The following CLVS1 variants were observed in gnomAD, a reference collection of about 807,000 sequenced individuals.
The protein encoded by CLVS1 is clavesin-1.
CLVS1 carries 10 observed loss-of-function variants against 33.1 expected under a neutral mutation model. The observed-to-expected ratio is 0.30, with a 90% CI of 0.19 to 0.51. The LOEUF (loss-of-function observed/expected upper bound fraction) is 0.51, where lower values mean the gene tolerates loss of function less well. Among genes scored for constraint, CLVS1 ranks in the 20% least tolerant of loss-of-function variants. The probability of loss-of-function intolerance (pLI) is 0.97; values close to 1 mark genes in which losing one functional copy is unlikely to be tolerated. For synonymous variants in CLVS1, 163 were observed against 166.1 expected (o/e 0.98, Z 0.14); for missense variants, 343 against 433.4 (o/e 0.79, Z 1.85).
chr8:61,305,805 G>A (rs1810604098), intron 2 of CLVS1, among the ~76,000 whole-genome samples: 1 of 151,996 alleles, frequency 6.6e-6, no homozygotes, highest in South Asian at 2.1e-4. Flanking sequence ...GAGGAAATGT[G>A]GTATTTGGTT....
chr8:61,180,448 C>T (rs1372385181), intron 2 of CLVS1, among the ~76,000 whole-genome samples: 3 of 152,102 alleles, frequency 2.0e-5, no homozygotes, highest in Admixed American at 6.5e-5. Context: ...GAAACTACTG[C>T]AAAAAATTGA....
intron 2 of CLVS1, among the ~76,000 whole-genome samples, chr8:61,145,812 C>G (rs989216262): frequency 6.6e-6 from 1 of 152,186 alleles, no homozygotes; most frequent in Non-Finnish European, 1.5e-5. Flanking sequence ...CTCACAGTAT[C>G]CAAGGTGGCC....
At chr8:61,203,810 C>A (rs1460598830) in intron 2 of CLVS1, among the ~76,000 whole-genome samples, 3 of 152,194 alleles carry the variant, frequency 2.0e-5, no homozygotes, top group Non-Finnish European at 2.9e-5. Context: ...AGATTGCTAG[C>A]ATCTCATATG....
Position 61,458,473 on chromosome 8 carries a change from A to G in CLVS1, c.908A>G (p.Tyr303Cys). The G allele has an allele frequency of 6.2e-7, 1 of 1,614,038 alleles. No homozygotes were observed. Reference sequence around the variant, plus strand: ...GAAAATGACTATACTCACACATCCTATAATGCAATGCACGTGAAGCATACG... The same window carrying G: ...GAAAATGACTATACTCACACATCCTGTAATGCAATGCACGTGAAGCATACG... Reference protein sequence around the residue: ...SDENDYTHTSYNAMHVKHTSS... With the variant: ...SDENDYTHTSCNAMHVKHTSS... Residue 303 changes from tyrosine (Y) to cysteine (C), a missense_variant, in exon 5 of 6, where the codon TAT (tyrosine) becomes TGT (cysteine). Tyr to Cys is a radical substitution (Grantham distance 194). Coordinates refer to ENST00000325897, the MANE Select transcript of CLVS1 (RefSeq NM_173519.3).
At chr8:61,129,757 C>A (rs926646924) in intron 1 of CLVS1, among the ~76,000 whole-genome samples, 3 of 152,210 alleles carry the variant, frequency 2.0e-5, no homozygotes, top group Admixed American at 1.3e-4. Flanking sequence ...ATCTGGCTAC[C>A]TTTTAATGGC....
intron 3 of CLVS1, among the ~76,000 whole-genome samples, chr8:61,412,290 G>A (rs1815260365): frequency 1.3e-5 from 2 of 152,142 alleles, no homozygotes. Flanking sequence ...TATGAGATAT[G>A]TACTGACAAC....
chr8:61,469,623 GC>G (rs1817668466), intron 5 of CLVS1, among the ~76,000 whole-genome samples: 2 of 152,302 alleles, frequency 1.3e-5, no homozygotes, highest in Admixed American at 1.3e-4. Context: ...GTGAATTTGT[GC>G]ATTTGCTGGA....
At chr8:61,376,278 G>C (rs1040711279) in intron 2 of CLVS1, among the ~76,000 whole-genome samples, 6 of 152,208 alleles carry the variant, frequency 3.9e-5, no homozygotes, top group African/African-American at 1.4e-4. Context: ...CTGTGAGGGA[G>C]AAAGATGGGT....
the CLVS1 span, among the ~76,000 whole-genome samples, chr8:61,005,413 CT>C: frequency 1.3e-3 from 179 of 142,664 alleles, no homozygotes; most frequent in Non-Finnish European, 1.4e-3. Flanking sequence ...AACAGGGTGG[CT>C]TTTTTTTTTA....
At chr8:61,433,796 C>T (rs1280051784) in intron 3 of CLVS1, among the ~76,000 whole-genome samples, 1 of 152,066 alleles carries the variant, frequency 6.6e-6, no homozygotes, top group African/African-American at 2.4e-5. Context: ...CACCTGTAGT[C>T]CTGGCTACCT....
chr8:61,074,205 G>A (rs1451806109), intron 1 of CLVS1, among the ~76,000 whole-genome samples: 2 of 150,602 alleles, frequency 1.3e-5, no homozygotes, highest in Non-Finnish European at 3.0e-5. Flanking sequence ...GGGTGTGGTG[G>A]TGCATGCCTG....
intron 1 of CLVS1, among the ~76,000 whole-genome samples, chr8:61,060,984 G>A (rs2129277824): frequency 6.6e-6 from 1 of 152,270 alleles, no homozygotes; most frequent in East Asian, 1.9e-4. Context: ...CACACACTCA[G>A]GTTGTGTTTT....
At chr8:61,291,550 T>C (rs1809991715) in intron 1 of CLVS1, among the ~76,000 whole-genome samples, 1 of 152,178 alleles carries the variant, frequency 6.6e-6, no homozygotes, top group East Asian at 1.9e-4. Context: ...GGGAATAGCA[T>C]GTTGTAGGGG....
At chr8:61,018,329 C>G in the CLVS1 span, among the ~76,000 whole-genome samples, 2 of 151,970 alleles carry the variant, frequency 1.3e-5, no homozygotes, top group Non-Finnish European at 2.9e-5. Context: ...CAAATATACA[C>G]AAATCTAATA....
In CLVS1 at chr8:61,085,591, C is replaced by T. The variant is rs533773020; in HGVS notation, c.-243+28361C>T. On this transcript the variant is annotated intron_variant, in intron 1 of 2. Transcript: ENST00000522621. ...GGAAAAGAAACAAAGGAGAATGTAA[C>T]AATGAAATGCATGACCTGGCGGAGT... Among the ~76,000 whole-genome samples the T allele has an allele frequency of 3.3e-3, 508 of 152,172 alleles. 3 individuals carry two copies. Among genetic ancestry groups the T allele is most frequent in the Non-Finnish European group, 6.3e-3 (428 of 67,990 alleles).
At chr8:61,222,321 T>A (rs1390061125) in intron 2 of CLVS1, among the ~76,000 whole-genome samples, 1 of 152,154 alleles carries the variant, frequency 6.6e-6, no homozygotes, top group African/African-American at 2.4e-5. Flanking sequence ...GGGCATTTAG[T>A]GTTATAAATT....
chr8:61,448,882 C>A (rs1253143954), intron 3 of CLVS1, among the ~76,000 whole-genome samples: 3 of 152,142 alleles, frequency 2.0e-5, no homozygotes, highest in Non-Finnish European at 4.4e-5. Flanking sequence ...AATGCTAACA[C>A]CTCTGTCATC....
At chr8:61,349,187 G>T (rs1812348171) in intron 2 of CLVS1, among the ~76,000 whole-genome samples, 1 of 151,862 alleles carries the variant, frequency 6.6e-6, no homozygotes, top group Non-Finnish European at 1.5e-5. Flanking sequence ...TCTGTTCATT[G>T]TCTCCTTGGC....
At chr8:61,258,558 GT>G (rs1809133781) in intron 2 of CLVS1, among the ~76,000 whole-genome samples, 1 of 152,174 alleles carries the variant, frequency 6.6e-6, no homozygotes, top group South Asian at 2.1e-4. Context: ...GTGCAAGTTA[GT>G]TGCACCAGCA....
Sources: gnomAD v4.1 joint callset for allele counts (sites outside exome capture counted in the v4.1 genomes callset) on GRCh38, gnomAD v4.1.1 for gene constraint, MANE v1.5 for transcripts, NCBI Gene and HGNC (gene_info 2026-07-23, HGNC 2026-07-21) for gene names.